POC1A: variants seen among roughly 807,000 people sequenced by gnomAD.
POC1A encodes POC1 centriolar protein homolog A.
In POC1A, 34 loss-of-function variants were observed where a neutral mutation model predicts 47.8. The ratio of observed to expected loss-of-function variants is 0.71; its 90% CI spans 0.54 to 0.95. The LOEUF is 0.95. POC1A is among the 40% of genes least tolerant of loss of function. The pLI is 0.00. For synonymous variants in POC1A, 177 were observed against 207.6 expected, an observed-to-expected ratio of 0.85 and a Z score of 1.27; for missense variants, 466 against 528.3, an observed-to-expected ratio of 0.88 and a Z score of 1.16.
chr3:52,136,768 TAGC>T (rs1704485455), intron 7 of POC1A, among the ~76,000 whole-genome samples: 1 of 152,196 alleles, frequency 6.6e-6, no homozygotes, highest in Admixed American at 6.5e-5. Flanking sequence ...ACAATGTCAA[TAGC>T]TTTCGTTTAT....
rs117254461 is a variant in POC1A at position 52,132,516 on chromosome 3, G to A, written c.813+5653C>T. 4.3e-4 allele frequency among the ~76,000 whole-genome samples: 65 copies of A among 152,234 alleles called. No individual in the cohort carries two copies. In the East Asian group the frequency reaches 0.01, roughly 23 times the overall value. Reference sequence around the variant, plus strand: ...CAGGCTCTGGTGTTCCCAGGGCAAAGGCTGTGGAAGGAGGGCAATGCACCA... The same window carrying A: ...CAGGCTCTGGTGTTCCCAGGGCAAAAGCTGTGGAAGGAGGGCAATGCACCA... On this transcript the variant is annotated intron_variant, in intron 7 of 10. Coordinates refer to ENST00000296484, the MANE Select transcript of POC1A (RefSeq NM_015426.5).
At chr3:52,132,359 T>C (rs1704244122) in intron 7 of POC1A, among the ~76,000 whole-genome samples, 1 of 152,116 alleles carries the variant, frequency 6.6e-6, no homozygotes, top group Non-Finnish European at 1.5e-5. Context: ...AAACTGTTTG[T>C]TCCTAAAAAT....
intron 7 of POC1A, among the ~76,000 whole-genome samples, chr3:52,136,781 T>C (rs985042758): frequency 6.6e-6 from 1 of 152,248 alleles, no homozygotes; most frequent in South Asian, 2.1e-4. Context: ...CTTTCGTTTA[T>C]GTGCCAGATG....
intron 7 of POC1A, among the ~76,000 whole-genome samples, chr3:52,133,457 C>G (rs1704312567): frequency 6.6e-6 from 1 of 152,164 alleles, no homozygotes; most frequent in African/African-American, 2.4e-5. Context: ...AAAGGCCTCT[C>G]AAATGGGCCG....
chr3:52,105,319 G>A (rs897795107), intron 9 of POC1A, among the ~76,000 whole-genome samples: 3 of 152,322 alleles, frequency 2.0e-5, no homozygotes, highest in African/African-American at 7.2e-5. Flanking sequence ...CTGAATCTTC[G>A]ATTGGACTGT....
chr3:52,091,031 A>C (rs1702628009), intron 10 of POC1A, among the ~76,000 whole-genome samples: 2 of 151,782 alleles, frequency 1.3e-5, no homozygotes, highest in Admixed American at 1.3e-4. Context: ...GCAGTTTCTG[A>C]CTCCTTGTCT....
rs1402965125 is a variant in POC1A at position 52,084,876 on chromosome 3, T to C, written c.1126-8891A>G. 1.8e-4 allele frequency among the ~76,000 whole-genome samples: 27 copies of C among 152,196 alleles called. No homozygotes were observed. Among genetic ancestry groups the C allele is most frequent in the Non-Finnish European group, 1.5e-4 (10 of 68,026 alleles). On this transcript the variant is annotated intron_variant, in intron 10 of 10. Coordinates refer to ENST00000296484, the MANE Select transcript of POC1A (RefSeq NM_015426.5). The surrounding 1 kb of genome is among the most constrained non-coding windows in gnomAD (Gnocchi z 4.3). Reference sequence around the variant, plus strand: ...GGACAGGGTGGTTGGGCCAGACTGATGGGTGAAGGCGGAGCCAACATCCAG... The same window carrying C: ...GGACAGGGTGGTTGGGCCAGACTGACGGGTGAAGGCGGAGCCAACATCCAG...
intron 10 of POC1A, among the ~76,000 whole-genome samples, chr3:52,088,364 A>G (rs1702531179): frequency 6.6e-6 from 1 of 152,212 alleles, no homozygotes; most frequent in Non-Finnish European, 1.5e-5. Flanking sequence ...CAAGGGGCAC[A>G]TAATTGCTTC....
intron 5 of POC1A, 37 bp from the exon 6 acceptor site, chr3:52,145,998 C>A: frequency 1.5e-6 from 2 of 1,312,086 alleles, no homozygotes; most frequent in South Asian, 1.2e-5. Flanking sequence ...TATAGGAGGT[C>A]TGCCCTGGTT....
chr3:52,134,095 T>A (rs1237531500), intron 7 of POC1A, among the ~76,000 whole-genome samples: 1 of 152,206 alleles, frequency 6.6e-6, no homozygotes, highest in South Asian at 2.1e-4. Context: ...ATAAGCCTGC[T>A]GGTACCCTAC....
intron 10 of POC1A, among the ~76,000 whole-genome samples, chr3:52,093,828 A>G (rs1270414281): frequency 1.3e-5 from 2 of 152,176 alleles, no homozygotes; most frequent in Non-Finnish European, 2.9e-5. Flanking sequence ...GGCCACAAAC[A>G]TCCACAGAGG....
intron 9 of POC1A, among the ~76,000 whole-genome samples, chr3:52,107,921 G>C (rs981669847): frequency 6.6e-6 from 1 of 152,190 alleles, no homozygotes; most frequent in Non-Finnish European, 1.5e-5. Flanking sequence ...AATGTGCTTA[G>C]ATCCTGATGT....
intron 6 of POC1A, among the ~76,000 whole-genome samples, chr3:52,142,930 G>A (rs552786389): frequency 6.6e-6 from 1 of 152,216 alleles, no homozygotes; most frequent in African/African-American, 2.4e-5. Context: ...AGCAGAGGAT[G>A]AGAGGTATGT....
In POC1A at chr3:52,147,100, A is replaced by T. The variant is rs377760750; in HGVS notation, c.456-5T>A. On this transcript the variant is annotated splice_region_variant and splice_polypyrimidine_tract_variant and intron_variant, in intron 4 of 10. Coordinates refer to ENST00000296484, the MANE Select transcript of POC1A (RefSeq NM_015426.5). ...AGCCGCCCGTCGGGGGAGAACCTGA[A>T]CCGGGTGGGGCACAAGTCACATCAC... 49 of 1,610,166 alleles carry T rather than the reference A, an allele frequency of 3.0e-5. No homozygotes were observed. Among genetic ancestry groups the T allele is most frequent in the Non-Finnish European group, 3.9e-5 (46 of 1,176,660 alleles).
At chr3:52,135,584 G>T (rs188047571) in intron 7 of POC1A, among the ~76,000 whole-genome samples, 1 of 152,278 alleles carries the variant, frequency 6.6e-6, no homozygotes, top group Non-Finnish European at 1.5e-5. Context: ...CCAAATCCAG[G>T]GGCAGAGCTA....
Position 52,154,409 on chromosome 3 carries a change from C to A in POC1A, c.-37G>T, listed in dbSNP as rs1698662337. 2.1e-6 allele frequency: 3 copies of A among 1,422,188 alleles called. No homozygotes were observed. Among genetic ancestry groups the A allele is most frequent in the South Asian group, 1.4e-5 (1 of 69,408 alleles). The allele number at this position is 1,422,188 out of a possible 1,614,324, so 88.1% of individuals were successfully genotyped here. The stretch of plus-strand genomic sequence containing the variant: ...CGGCGCCGAAGGCAGCTGCGGTGGC[C>A]GTTGCGGCCCGTTCAGTTTCCGCGC... On this transcript the variant is annotated 5_prime_UTR_variant, in exon 1 of 11. Coordinates refer to ENST00000296484, the MANE Select transcript of POC1A (RefSeq NM_015426.5).
chr3:52,152,413 T>C (rs1698586521), intron 1 of POC1A, among the ~76,000 whole-genome samples: 1 of 151,746 alleles, frequency 6.6e-6, no homozygotes, highest in African/African-American at 2.4e-5. Context: ...CTACTAAAAA[T>C]ACAAAAATTA....
intron 6 of POC1A, among the ~76,000 whole-genome samples, chr3:52,143,860 T>A (rs1403332864): frequency 6.6e-6 from 1 of 152,094 alleles, no homozygotes; most frequent in Non-Finnish European, 1.5e-5. Flanking sequence ...TCAGGCCACA[T>A]CTTTGGGACC....
chr3:52,140,949 T>G (rs1698172236), intron 6 of POC1A, among the ~76,000 whole-genome samples: 2 of 152,152 alleles, frequency 1.3e-5, no homozygotes, highest in Admixed American at 6.5e-5. Context: ...CATGATCCAC[T>G]TTTTTTCAAG....
Sources: allele counts gnomAD v4.1 joint callset (sites outside exome capture counted in the v4.1 genomes callset), GRCh38; gene constraint gnomAD v4.1.1; non-coding constraint Gnocchi (gnomAD v3.1); transcripts MANE v1.5; gene names NCBI Gene and HGNC (gene_info 2026-07-23, HGNC 2026-07-21).